GALNTL6: variants seen among roughly 807,000 people sequenced by gnomAD.
The protein encoded by GALNTL6 is polypeptide N-acetylgalactosaminyltransferase like 6, also known as polypeptide N-acetylgalactosaminyltransferase-like 6.
Under a neutral mutation model 73.7 loss-of-function variants are expected in GALNTL6, and 46 were observed. The ratio of observed to expected loss-of-function variants is 0.62; its 90% CI spans 0.49 to 0.80. The LOEUF is 0.80. Ranked by LOEUF, GALNTL6 falls within the 30% of genes least tolerant of loss-of-function variation. The pLI, the probability that GALNTL6 is intolerant of heterozygous loss-of-function variation, is 0.00. For missense variants in GALNTL6, 604 were observed against 755.0 expected (o/e 0.80, Z 2.34); for synonymous variants, 259 against 263.7 (o/e 0.98, Z 0.17).
chr4:172,745,306 G>T (rs1737044719), intron 5 of GALNTL6, among the ~76,000 whole-genome samples: 3 of 151,706 alleles, frequency 2.0e-5, no homozygotes, highest in Admixed American at 6.6e-5. Flanking sequence ...GGGATATAGA[G>T]AAATGAAGAA....
intron 2 of GALNTL6, among the ~76,000 whole-genome samples, chr4:172,131,124 G>A (rs1002778082): frequency 6.6e-6 from 1 of 151,766 alleles, no homozygotes; most frequent in Non-Finnish European, 1.5e-5. Context: ...TTTTGTCAAA[G>A]AAGATTTAAT....
At chr4:172,611,497 C>T (rs1738524997) in intron 5 of GALNTL6, among the ~76,000 whole-genome samples, 1 of 152,068 alleles carries the variant, frequency 6.6e-6, no homozygotes, top group African/African-American at 2.4e-5. Context: ...TGAATATAGG[C>T]TCTCAATCTC....
intron 10 of GALNTL6, among the ~76,000 whole-genome samples, chr4:172,996,281 C>G (rs28414522): frequency 6.6e-6 from 1 of 151,942 alleles, no homozygotes; most frequent in Non-Finnish European, 1.5e-5. Flanking sequence ...AGCAAACTAA[C>G]GCAGGAACAG....
At chr4:172,632,733 C>T (rs1739453113) in intron 5 of GALNTL6, among the ~76,000 whole-genome samples, 1 of 152,194 alleles carries the variant, frequency 6.6e-6, no homozygotes, top group Non-Finnish European at 1.5e-5. Flanking sequence ...GAGCATGTTA[C>T]AGACCTTTAT....
At chr4:172,698,305 C>A (rs1057303362) in intron 5 of GALNTL6, among the ~76,000 whole-genome samples, 22 of 152,120 alleles carry the variant, frequency 1.4e-4, no homozygotes, top group African/African-American at 5.1e-4. Context: ...TTGAAGACCT[C>A]CCACAGCTAG....
intron 3 of GALNTL6, among the ~76,000 whole-genome samples, chr4:172,257,539 A>G (rs1410869294): frequency 6.6e-6 from 1 of 151,328 alleles, no homozygotes; most frequent in Non-Finnish European, 1.5e-5. Flanking sequence ...ACAAAATTCC[A>G]TAGGTTTTGA....
chr4:172,195,727 T>C (rs1294617050), intron 2 of GALNTL6, among the ~76,000 whole-genome samples: 5 of 152,310 alleles, frequency 3.3e-5, no homozygotes, highest in African/African-American at 1.2e-4. Flanking sequence ...ATCAAGAAGT[T>C]ATTTGAAACT....
At chr4:172,006,227 A>G (rs4414917) in intron 2 of GALNTL6, among the ~76,000 whole-genome samples, 149,288 of 152,304 alleles carry the variant, frequency 0.98, 73,232 homozygotes, top group Middle Eastern at 1. Context: ...TGGCTCTGCC[A>G]TGGACTGTGG....
At chr4:172,654,388 T>A (rs944286744) in intron 5 of GALNTL6, among the ~76,000 whole-genome samples, 1 of 152,218 alleles carries the variant, frequency 6.6e-6, no homozygotes, top group Non-Finnish European at 1.5e-5. Context: ...TGTGTCAAAA[T>A]CAACCTTAAC....
At chr4:172,849,447 T>C (rs888683052) in intron 7 of GALNTL6, among the ~76,000 whole-genome samples, 2 of 152,204 alleles carry the variant, frequency 1.3e-5, no homozygotes, top group African/African-American at 4.8e-5. Context: ...TTCACCATTG[T>C]GGCCCAAGAG....
chr4:172,109,251 C>G (rs1442082349), intron 2 of GALNTL6, among the ~76,000 whole-genome samples: 1 of 52,638 alleles, frequency 1.9e-5, no homozygotes, highest in African/African-American at 5.9e-5. Flanking sequence ...CGAACATGGA[C>G]CATTATAATT....
chr4:172,666,302 T>C (rs1179852712), intron 5 of GALNTL6, among the ~76,000 whole-genome samples: 2 of 152,206 alleles, frequency 1.3e-5, no homozygotes, highest in Non-Finnish European at 2.9e-5. Flanking sequence ...TGCATTCACA[T>C]GAATGATGGT....
intron 12 of GALNTL6, among the ~76,000 whole-genome samples, chr4:173,024,459 T>C (rs980743757): frequency 1.3e-5 from 2 of 152,254 alleles, no homozygotes; most frequent in African/African-American, 2.4e-5. Context: ...AAATTCCTCT[T>C]GTTTTTTCCA....
At chr4:172,837,764 G>T (rs540265063) in intron 7 of GALNTL6, among the ~76,000 whole-genome samples, 28 of 152,254 alleles carry the variant, frequency 1.8e-4, no homozygotes, top group African/African-American at 6.7e-4. Flanking sequence ...ATTAATGATG[G>T]CCAGAGAAAT....
chr4:172,126,318 A>T lies in GALNTL6; in HGVS notation c.139-103338A>T, dbSNP rs146534055. ...TATCTATCACTTAATTTAAAATAACATAACTTTAGACTTTCAAACTTCAAT... is the reference window on the plus strand; with the variant it reads ...TATCTATCACTTAATTTAAAATAACTTAACTTTAGACTTTCAAACTTCAAT... On this transcript the variant is annotated intron_variant, in intron 2 of 12. Coordinates refer to ENST00000506823, the MANE Select transcript of GALNTL6 (RefSeq NM_001034845.3). Among the ~76,000 whole-genome samples, 41 of 152,316 alleles carry T rather than the reference A, an allele frequency of 2.7e-4. 1 individual carries two copies. The highest frequency in any genetic ancestry group is 1.5e-3 in the East Asian group (8 of 5,186).
chr4:172,697,721 A>G (rs1377910753), intron 5 of GALNTL6, among the ~76,000 whole-genome samples: 3 of 152,224 alleles, frequency 2.0e-5, no homozygotes, highest in Non-Finnish European at 4.4e-5. Context: ...AGGAGAAAGC[A>G]TGAGACAATC....
chr4:172,117,323 A>T (rs1478742463), intron 2 of GALNTL6, among the ~76,000 whole-genome samples: 1 of 152,190 alleles, frequency 6.6e-6, no homozygotes, highest in East Asian at 1.9e-4. Context: ...TAATTGAGTC[A>T]TTTTAGAATG....
chr4:172,675,326 G>T (rs958509930), intron 5 of GALNTL6, among the ~76,000 whole-genome samples: 7 of 152,208 alleles, frequency 4.6e-5, no homozygotes. Flanking sequence ...GGCTCCCCAA[G>T]GTTTGGAATC....
intron 12 of GALNTL6, among the ~76,000 whole-genome samples, chr4:173,022,939 T>C (rs1046756232): frequency 6.6e-6 from 1 of 152,234 alleles, no homozygotes; most frequent in East Asian, 1.9e-4. Context: ...AATTAGCAAT[T>C]ACTCCATAAG....
Sources: gnomAD v4.1 joint callset for allele counts (sites outside exome capture counted in the v4.1 genomes callset) on GRCh38, gnomAD v4.1.1 for gene constraint, MANE v1.5 for transcripts, NCBI Gene and HGNC (gene_info 2026-07-23, HGNC 2026-07-21) for gene names.